Variants in PDE4D observed in about 807,000 individuals in gnomAD.
The protein encoded by PDE4D is phosphodiesterase 4D.
Under a neutral mutation model 87.4 loss-of-function variants are expected in PDE4D, and 24 were observed. That is an observed-to-expected ratio of 0.27 (90% CI 0.20 to 0.39). The LOEUF is 0.39. PDE4D is among the 10% of genes least tolerant of loss of function. The pLI is 1.00. For synonymous variants in PDE4D, 384 were observed against 383.2 expected (o/e 1.00, Z -0.02); for missense variants, 714 against 1,041.0 (o/e 0.69, Z 4.32).
At chr5:60,255,914 C>T (rs1265524458) in intron 1 of PDE4D, among the ~76,000 whole-genome samples, 1 of 151,826 alleles carries the variant, frequency 6.6e-6, no homozygotes, top group African/African-American at 2.4e-5. Context: ...GTCTGTATAT[C>T]TTTTTACATT....
intron 1 of PDE4D, among the ~76,000 whole-genome samples, chr5:60,417,150 A>G (rs1294381856): frequency 6.6e-6 from 1 of 152,240 alleles, no homozygotes; most frequent in African/African-American, 2.4e-5. Context: ...ACAGCAATTG[A>G]AAAGACCACA....
intron 1 of PDE4D, among the ~76,000 whole-genome samples, chr5:60,417,104 A>G (rs1218707298): frequency 2.0e-5 from 3 of 152,230 alleles, no homozygotes; most frequent in South Asian, 2.1e-4. Flanking sequence ...AATAGCCACA[A>G]TGGTGTTTGG....
chr5:60,084,336 T>A (rs934365393), intron 2 of PDE4D, among the ~76,000 whole-genome samples: 1 of 152,192 alleles, frequency 6.6e-6, no homozygotes, highest in Non-Finnish European at 1.5e-5. Flanking sequence ...ATTCTCCCCA[T>A]TTACAGAAAT....
chr5:59,105,470 C>T lies in PDE4D; in HGVS notation c.809-66499G>A, dbSNP rs1381662782. Among the ~76,000 whole-genome samples the T allele has an allele frequency of 2.0e-5, 3 of 152,274 alleles. No homozygotes were observed. In the East Asian group the frequency reaches 5.8e-4, roughly 29 times the overall value. ...TCTATTGAGAATCACAGAAACTATG[C>T]ATAAGTCCTGAATGGTAGCATTATT... On this transcript the variant is annotated intron_variant, in intron 5 of 14. Coordinates refer to ENST00000340635, the MANE Select transcript of PDE4D (RefSeq NM_001104631.2).
At chr5:60,157,046 T>C (rs1034022807) in intron 2 of PDE4D, among the ~76,000 whole-genome samples, 5 of 152,134 alleles carry the variant, frequency 3.3e-5, no homozygotes, top group African/African-American at 9.7e-5. Flanking sequence ...AAATATAGTA[T>C]AGAAACATTT....
intron 1 of PDE4D, among the ~76,000 whole-genome samples, chr5:59,261,241 T>A (rs1389246762): frequency 1.3e-5 from 2 of 151,898 alleles, no homozygotes; most frequent in African/African-American, 4.8e-5. Context: ...TCTGATTTCC[T>A]GCATTGAATC....
chr5:59,190,726 CA>C (rs1347158024), intron 3 of PDE4D, among the ~76,000 whole-genome samples: 1 of 152,096 alleles, frequency 6.6e-6, no homozygotes, highest in African/African-American at 2.4e-5. Context: ...CAATCATGTC[CA>C]ACAGGGTTTA....
At chr5:59,829,935 T>TAA (rs957704579) in intron 1 of PDE4D, among the ~76,000 whole-genome samples, 1 of 151,608 alleles carries the variant, frequency 6.6e-6, no homozygotes, top group African/African-American at 2.4e-5. Flanking sequence ...TTTTTAATTT[T>TAA]AAAAAAAATC....
At chr5:59,905,582 G>A (rs925020639) in intron 3 of PDE4D, among the ~76,000 whole-genome samples, 3 of 151,940 alleles carry the variant, frequency 2.0e-5, no homozygotes, top group Admixed American at 6.6e-5. Flanking sequence ...AACCACAGAT[G>A]GGTTACATTA....
intron 1 of PDE4D, among the ~76,000 whole-genome samples, chr5:59,553,424 C>G (rs959305115): frequency 1.3e-5 from 2 of 152,190 alleles, no homozygotes; most frequent in African/African-American, 4.8e-5. Context: ...TTTCCCTAAT[C>G]ACCCGCAAGT....
At chr5:58,993,323 C>T (rs1435292753) in intron 7 of PDE4D, 49 bp downstream of exon 7, 3 of 1,115,326 alleles carry the variant, frequency 2.7e-6, no homozygotes, top group African/African-American at 1.6e-5. Context: ...CAAAAACAAA[C>T]AAGCAAACAA....
At chr5:59,169,069 G>A (rs1782345095) in intron 5 of PDE4D, among the ~76,000 whole-genome samples, 1 of 152,060 alleles carries the variant, frequency 6.6e-6, no homozygotes, top group Non-Finnish European at 1.5e-5. Context: ...TTTTTTGAGA[G>A]AGGCTTTTTG....
chr5:59,409,200 T>C (rs946770440), intron 1 of PDE4D, among the ~76,000 whole-genome samples: 1 of 152,044 alleles, frequency 6.6e-6, no homozygotes, highest in African/African-American at 2.4e-5. Context: ...ACCTCTATTG[T>C]ACCTTGGCTT....
At chr5:59,263,264 T>C (rs1432713982) in intron 1 of PDE4D, among the ~76,000 whole-genome samples, 1 of 152,010 alleles carries the variant, frequency 6.6e-6, no homozygotes, top group Non-Finnish European at 1.5e-5. Context: ...CAGGGGTTCA[T>C]TGCTCTACAA....
chr5:60,442,458 G>T (rs1210758447), intron 1 of PDE4D, among the ~76,000 whole-genome samples: 1 of 152,058 alleles, frequency 6.6e-6, no homozygotes, highest in Non-Finnish European at 1.5e-5. Context: ...GGGGACTAGG[G>T]GAGGGATAGA....
intron 1 of PDE4D, among the ~76,000 whole-genome samples, chr5:59,250,828 C>G (rs891480996): frequency 3.3e-5 from 5 of 152,136 alleles, no homozygotes; most frequent in African/African-American, 1.2e-4. Context: ...GGTACAAGAA[C>G]AGCCAGATAG....
At chr5:59,289,676 A>G (rs1252914855) in intron 1 of PDE4D, among the ~76,000 whole-genome samples, 1 of 152,046 alleles carries the variant, frequency 6.6e-6, no homozygotes, top group African/African-American at 2.4e-5. Flanking sequence ...TATTAATAAT[A>G]CTGGAAGTCC....
intron 1 of PDE4D, among the ~76,000 whole-genome samples, chr5:60,310,326 A>T (rs1040218149): frequency 1.3e-5 from 2 of 152,226 alleles, no homozygotes; most frequent in Non-Finnish European, 2.9e-5. Flanking sequence ...AATAAAAATC[A>T]AGAATGTTTG....
intron 6 of PDE4D, among the ~76,000 whole-genome samples, chr5:59,023,136 T>C (rs13361043): frequency 0.099 from 14,959 of 150,354 alleles, 1,083 homozygotes; most frequent in East Asian, 0.41. Flanking sequence ...GATCACGCCA[T>C]TGCACTCCAG....
Sources: gnomAD v4.1 joint callset for allele counts (sites outside exome capture counted in the v4.1 genomes callset) on GRCh38, gnomAD v4.1.1 for gene constraint, MANE v1.5 for transcripts, NCBI Gene and HGNC (gene_info 2026-07-23, HGNC 2026-07-21) for gene names.